The following LNPEP variants were observed in gnomAD, a reference collection of about 807,000 sequenced individuals.
The protein encoded by LNPEP is leucyl and cystinyl aminopeptidase, also known as leucyl-cystinyl aminopeptidase.
A neutral mutation model predicts 120.6 loss-of-function variants in LNPEP; 64 were observed. The ratio of observed to expected loss-of-function variants is 0.53; its 90% CI spans 0.43 to 0.65. The LOEUF (loss-of-function observed/expected upper bound fraction) is 0.65, where lower values mean the gene tolerates loss of function less well. Among genes scored for constraint, LNPEP ranks in the 30% least tolerant of loss-of-function variants. The pLI, the probability that LNPEP is intolerant of heterozygous loss-of-function variation, is 0.00. For missense variants in LNPEP, 1,057 were observed against 1,200.0 expected, an observed-to-expected ratio of 0.88 and a Z score of 1.76; for synonymous variants, 435 against 425.4, an observed-to-expected ratio of 1.02 and a Z score of -0.28.
intron 1 of LNPEP, among the ~76,000 whole-genome samples, chr5:96,976,950 G>C (rs1045866695): frequency 6.6e-6 from 1 of 151,232 alleles, no homozygotes; most frequent in Admixed American, 6.6e-5. Context: ...CAAGAAATTG[G>C]GGCACTATAG....
At chr5:96,943,764 A>G (rs1413473868) in intron 1 of LNPEP, among the ~76,000 whole-genome samples, 1 of 152,230 alleles carries the variant, frequency 6.6e-6, no homozygotes, top group Non-Finnish European at 1.5e-5. Context: ...TCAAAAAACA[A>G]TGGAGGATCA....
Position 97,034,544 on chromosome 5 carries a change from T to C in LNPEP, c.*6011T>C, listed in dbSNP as rs1180598179. The C allele has an allele frequency of 6.6e-6, 1 of 151,962 alleles. No individual in the cohort carries two copies. The allele number at this position is 151,962 out of a possible 1,614,324, so 9.4% of individuals were successfully genotyped here. A position where few individuals can be genotyped will look rare whatever the true frequency, so the allele number is the denominator to read the frequency against. On this transcript the variant is annotated 3_prime_UTR_variant, in exon 18 of 18. Transcript: ENST00000231368. ...AGTTTTTTGTTTGGAGTTGTAGGAATCAAATGTAATGAGGGACCCAGACCC... is the reference window on the plus strand; with the variant it reads ...AGTTTTTTGTTTGGAGTTGTAGGAACCAAATGTAATGAGGGACCCAGACCC...
intron 11 of LNPEP, chr5:97,010,172 TTTCCCTC>T (rs1790891235): frequency 1.6e-6 from 1 of 630,048 alleles, no homozygotes. Flanking sequence ...TTTTTTAAAG[TTTCCCTC>T]TTCCCTTTCT....
chr5:96,971,295 A>C (rs1299360319), intron 1 of LNPEP, among the ~76,000 whole-genome samples: 2 of 150,048 alleles, frequency 1.3e-5, no homozygotes, highest in Admixed American at 1.3e-4. Context: ...TTTTCTTTTT[A>C]TCTTTAGTTT....
At chr5:97,000,417 T>TGGGA (rs1411262835) in intron 8 of LNPEP, among the ~76,000 whole-genome samples, 1 of 150,968 alleles carries the variant, frequency 6.6e-6, no homozygotes, top group African/African-American at 2.4e-5. Flanking sequence ...GGGTGGCATG[T>TGGGA]GGGAACTTGG....
chr5:96,977,722 A>G (rs1790034147), intron 1 of LNPEP, among the ~76,000 whole-genome samples: 1 of 152,304 alleles, frequency 6.6e-6, no homozygotes, highest in South Asian at 2.1e-4. Context: ...TTTGTTGAAT[A>G]GCACAAAATA....
intron 1 of LNPEP, among the ~76,000 whole-genome samples, chr5:96,969,052 T>C (rs777648453): frequency 6.6e-6 from 1 of 152,062 alleles, no homozygotes; most frequent in Non-Finnish European, 1.5e-5. Context: ...TTATGCAAAA[T>C]GAGCCTCAGA....
intron 3 of LNPEP, 48 bp from the exon 4 acceptor site, chr5:96,986,491 C>A (rs1018504029): frequency 4.5e-6 from 7 of 1,552,658 alleles, no homozygotes; most frequent in Non-Finnish European, 3.5e-6. Flanking sequence ...TTTGTTATTG[C>A]CATTTATTCC....
At chr5:96,959,860 T>A (rs2112578840) in intron 1 of LNPEP, among the ~76,000 whole-genome samples, 1 of 152,136 alleles carries the variant, frequency 6.6e-6, no homozygotes, top group Admixed American at 6.5e-5. Flanking sequence ...CTAATGTGAG[T>A]AATAGTACTA....
At chr5:96,986,724 C>T in intron 4 of LNPEP, 54 bp downstream of exon 4, 1 of 1,536,452 alleles carries the variant, frequency 6.5e-7, no homozygotes, top group Non-Finnish European at 8.9e-7. Flanking sequence ...GCTCAGAGGA[C>T]CTCTTGCTTT....
At chr5:96,948,258 C>T (rs1458831689) in intron 1 of LNPEP, among the ~76,000 whole-genome samples, 2 of 152,036 alleles carry the variant, frequency 1.3e-5, no homozygotes, top group Non-Finnish European at 2.9e-5. Context: ...GCTGGGATTA[C>T]AGGCATGCAC....
intron 11 of LNPEP, among the ~76,000 whole-genome samples, chr5:97,009,467 A>G (rs996267459): frequency 2.0e-5 from 3 of 152,352 alleles, no homozygotes; most frequent in African/African-American, 7.2e-5. Flanking sequence ...ATTTTAGTCC[A>G]TAATGAAGTG....
intron 8 of LNPEP, among the ~76,000 whole-genome samples, chr5:96,999,044 GA>G (rs1453524428): frequency 6.6e-6 from 1 of 152,164 alleles, no homozygotes; most frequent in Non-Finnish European, 1.5e-5. Flanking sequence ...AGCCACACGT[GA>G]AGAGGGAAAA....
intron 15 of LNPEP, among the ~76,000 whole-genome samples, 159 bp from the exon 16 acceptor site, chr5:97,026,458 A>G (rs960959640): frequency 5.3e-5 from 8 of 152,206 alleles, no homozygotes; most frequent in Non-Finnish European, 1.2e-4. Context: ...AAAAAAAATG[A>G]CATTTTCAAT....
At position 96,985,228 on chromosome 5, in the gene LNPEP, T is replaced by C; in HGVS notation, c.999+10T>C. On this transcript the variant is annotated intron_variant, in intron 3 of 17. Transcript: ENST00000231368. ...ATCAAATATGCCTAAGGTACTGTTC[T>C]GTTCCTTGAATGTAAAAATCTTTGA... 1 of 1,594,398 alleles carries C rather than the reference T, an allele frequency of 6.3e-7. No individual in the cohort carries two copies. Among genetic ancestry groups the C allele is most frequent in the Non-Finnish European group, 8.5e-7 (1 of 1,170,810 alleles).
At chr5:96,992,617 T>C (rs1304608975) in intron 4 of LNPEP, among the ~76,000 whole-genome samples, 1 of 152,122 alleles carries the variant, frequency 6.6e-6, no homozygotes, top group Non-Finnish European at 1.5e-5. Flanking sequence ...GTTTTGTCTT[T>C]CAAATAACTC....
At chr5:97,027,573 G>C (rs965471282) in intron 16 of LNPEP, among the ~76,000 whole-genome samples, 160 bp from the exon 17 acceptor site, 11 of 151,886 alleles carry the variant, frequency 7.2e-5, no homozygotes, top group Non-Finnish European at 1.2e-4. Flanking sequence ...CCTTCCCACC[G>C]ACAATAAGTA....
rs139379082 is a variant in LNPEP, at chr5:97,003,295, A to G, written c.1654-120A>G. 1.0e-4 allele frequency: 60 copies of G among 583,730 alleles called. No individual in the cohort carries two copies. In the East Asian group the frequency reaches 1.8e-3, roughly 17 times the overall value. 36.2% of individuals were successfully genotyped at this position (583,730 alleles called of 1,614,324 possible). A position where few individuals can be genotyped will look rare whatever the true frequency, so the allele number is the denominator to read the frequency against. On this transcript the variant is annotated intron_variant, in intron 8 of 17. Transcript: ENST00000231368. ...GACTAAGTAGCAGTATATTATAACT[A>G]AGTTCTACATATGAAAGTAAATTTT...
intron 2 of LNPEP, among the ~76,000 whole-genome samples, chr5:96,981,932 G>T (rs980708942): frequency 2.0e-5 from 3 of 151,944 alleles, no homozygotes; most frequent in African/African-American, 7.3e-5. Flanking sequence ...ATCTACCCTT[G>T]TTTTTTCTTT....
Sources: gnomAD v4.1 joint callset for allele counts (sites outside exome capture counted in the v4.1 genomes callset) on GRCh38, gnomAD v4.1.1 for gene constraint, MANE v1.5 for transcripts, NCBI Gene and HGNC (gene_info 2026-07-23, HGNC 2026-07-21) for gene names.